The following SLC16A5 variants were observed in gnomAD, a reference collection of about 807,000 sequenced individuals.
SLC16A5 encodes solute carrier family 16 member 5, also known as monocarboxylate transporter 6.
SLC16A5 carries 29 observed loss-of-function variants against 33.2 expected under a neutral mutation model. The observed-to-expected ratio is 0.87, with a 90% CI of 0.65 to 1.19. SLC16A5 has a LOEUF of 1.19. Ranked by LOEUF, SLC16A5 falls within the 50% of genes most tolerant of loss-of-function variation. SLC16A5 has a pLI of 0.00. For synonymous variants in SLC16A5, 248 were observed against 284.1 expected (o/e 0.87, Z 1.28); for missense variants, 606 against 678.2 (o/e 0.89, Z 1.18).
chr17:75,092,159 GTGTT>G lies in SLC16A5; in HGVS notation c.-48-1426_-48-1423del, dbSNP rs1270477771. On this transcript the variant is annotated intron_variant, in intron 2 of 6. Transcript: ENST00000329783. ...TGTGTACATATGCGTGTGTCTCTCT[GTGTT>G]TGTGTGTAACTGTGTGTGTGTCTGC... Among the ~76,000 whole-genome samples the G allele has an allele frequency of 2.2e-4, 33 of 152,046 alleles. 1 individual carries two copies. The highest frequency in any genetic ancestry group is 6.5e-5 in the Admixed American group (1 of 15,268).
intron 5 of SLC16A5, among the ~76,000 whole-genome samples, chr17:75,101,315 C>CT (rs1407087875): frequency 6.6e-6 from 1 of 150,578 alleles, no homozygotes; most frequent in African/African-American, 2.4e-5. Context: ...AATCCCAGCA[C>CT]TTTGGGAGGC....
At position 75,093,504 on chromosome 17, in the gene SLC16A5, C is replaced by G. The variant is rs544578341; in HGVS notation, c.-48-85C>G. 128 of 1,537,076 alleles carry G rather than the reference C, an allele frequency of 8.3e-5. No homozygotes were observed. The African/African-American group carries it at 1.6e-3, about 20-fold the overall frequency. On this transcript the variant is annotated intron_variant, in intron 2 of 6. Transcript: ENST00000329783. ...GTACTTGGGTATGAGGAAGGGATGG[C>G]TTAGCTGCCCAGAGAAGGTGGCAGG... is the stretch of plus-strand genomic sequence containing the variant.
chr17:75,098,504 G>T (rs2073749743), intron 4 of SLC16A5, among the ~76,000 whole-genome samples: 1 of 152,126 alleles, frequency 6.6e-6, no homozygotes, highest in African/African-American at 2.4e-5. Flanking sequence ...GTTGCAGTGA[G>T]CCAAGATCGC....
intron 1 of SLC16A5, among the ~76,000 whole-genome samples, chr17:75,088,574 C>T (rs1319445200): frequency 6.6e-6 from 1 of 152,156 alleles, no homozygotes; most frequent in East Asian, 1.9e-4. Context: ...TCAAGCCTGC[C>T]CTTGCTGCTC....
At chr17:75,107,379 T>C (rs1437623610), downstream of SLC16A5, among the ~76,000 whole-genome samples, 1 of 152,100 alleles carries the variant, frequency 6.6e-6, no homozygotes, top group African/African-American at 2.4e-5. Context: ...AGAATAGCAA[T>C]CATCTCTGGG....
At chr17:75,110,036 T>C (rs1437828276), downstream of SLC16A5, 23 of 472,728 alleles carry the variant, frequency 4.9e-5, no homozygotes, top group Middle Eastern at 5.8e-4. Context: ...CAGTAGACGG[T>C]TCCCTGTCTC....
rs777374842 is a variant in SLC16A5 at position 75,104,096 on chromosome 17, A to G, written c.1280A>G (p.Gln427Arg). 10 of 1,614,240 alleles carry G rather than the reference A, an allele frequency of 6.2e-6. No homozygotes were observed. The South Asian group carries it at 9.9e-5, about 16-fold the overall frequency. The change falls in exon 6 of 7, where the codon CAG (glutamine) becomes CGG (arginine). Residue 427 changes from glutamine to arginine, a missense_variant. Transcript: ENST00000329783. ...CTGCAGAAGAAGGAGCAAGGCAAGC[A>G]GGCTGTCGCGGCGGATGCCCTGGAG... The part of the protein sequence containing the change: ...YALQKKEQGK[Q>R]AVAADALERD...
intron 3 of SLC16A5, 125 bp downstream of exon 3, chr17:75,093,960 G>A (rs2073681240): frequency 7.2e-7 from 1 of 1,382,308 alleles, no homozygotes; most frequent in Non-Finnish European, 9.7e-7. Context: ...AATTCCTAAG[G>A]TTTCACCAGA....
chr17:75,110,007 C>T (rs1308576723), downstream of SLC16A5: 5 of 377,204 alleles, frequency 1.3e-5, no homozygotes, highest in Non-Finnish European at 1.9e-5. Flanking sequence ...GCGCCAGTGC[C>T]CCCTCCGCGA....
chr17:75,106,908 C>CA (rs1001054824), downstream of SLC16A5, among the ~76,000 whole-genome samples: 9 of 147,784 alleles, frequency 6.1e-5, no homozygotes, highest in South Asian at 2.1e-4. Context: ...AACAAACAAA[C>CA]AAAAAAAACA....
intron 2 of SLC16A5, 73 bp from the exon 3 acceptor site, chr17:75,093,516 G>C (rs1168154882): frequency 6.5e-7 from 1 of 1,537,910 alleles, no homozygotes; most frequent in Non-Finnish European, 8.7e-7. Flanking sequence ...TAGCTGCCCA[G>C]AGAAGGTGGC....
At position 75,104,213 on chromosome 17, in the gene SLC16A5, T is replaced by G. The variant is rs763272175; in HGVS notation, c.1364+33T>G. 3.1e-6 allele frequency: 5 copies of G among 1,608,616 alleles called. No individual in the cohort carries two copies. The South Asian group carries it at 5.5e-5, about 18-fold the overall frequency. ...ACCAGCGTCTAAGACCCAGGGTTCA[T>G]CTGTGTGACCAGTGTCTGAGTCCTG... On this transcript the variant is annotated intron_variant, in intron 6 of 6. Transcript: ENST00000329783.
chr17:75,092,179 G>T (rs1182264959), intron 2 of SLC16A5, among the ~76,000 whole-genome samples: 1 of 152,102 alleles, frequency 6.6e-6, no homozygotes, highest in Non-Finnish European at 1.5e-5. Context: ...GTAACTGTGT[G>T]TGTGTCTGCT....
At chr17:75,108,197 A>G (rs1437395348), downstream of SLC16A5, among the ~76,000 whole-genome samples, 1 of 152,004 alleles carries the variant, frequency 6.6e-6, no homozygotes, top group East Asian at 1.9e-4. Context: ...ACCTCTAGAG[A>G]AGGTCTGGGG....
chr17:75,102,526 A>C (rs1285151553), intron 5 of SLC16A5, among the ~76,000 whole-genome samples: 1 of 152,086 alleles, frequency 6.6e-6, no homozygotes, highest in East Asian at 1.9e-4. Context: ...GGGAAACCAA[A>C]TAGGGAAGTA....
At chr17:75,093,445 A>G in intron 2 of SLC16A5, 144 bp from the exon 3 acceptor site, 3 of 1,535,818 alleles carry the variant, frequency 2.0e-6, no homozygotes, top group Middle Eastern at 1.7e-4. Flanking sequence ...GCCTCTGGCC[A>G]CCTCCCAGGG....
intron 3 of SLC16A5, among the ~76,000 whole-genome samples, chr17:75,096,446 C>T (rs1295248902): frequency 6.6e-6 from 1 of 151,352 alleles, no homozygotes; most frequent in African/African-American, 2.4e-5. Flanking sequence ...ACCTCCCCCT[C>T]TACAGGGGCA....
chr17:75,101,561 GAAAAAAA>G (rs531652324), intron 5 of SLC16A5, among the ~76,000 whole-genome samples: 1 of 45,664 alleles, frequency 2.2e-5, no homozygotes, highest in Non-Finnish European at 4.5e-5. Flanking sequence ...GACTCCATCT[GAAAAAAA>G]AAAAAAAAAA....
chr17:75,107,723 G>A (rs1387511021), downstream of SLC16A5, among the ~76,000 whole-genome samples: 1 of 152,266 alleles, frequency 6.6e-6, no homozygotes, highest in Non-Finnish European at 1.5e-5. Context: ...TGGATCACGA[G>A]GTCAGGAGAT....
Sources: allele counts gnomAD v4.1 joint callset (sites outside exome capture counted in the v4.1 genomes callset), GRCh38; gene constraint gnomAD v4.1.1; transcripts MANE v1.5; gene names NCBI Gene and HGNC (gene_info 2026-07-23, HGNC 2026-07-21).